DPP10: variants seen among roughly 807,000 people sequenced by gnomAD.
The protein encoded by DPP10 is dipeptidyl peptidase like 10.
In DPP10, 33 loss-of-function variants were observed where a neutral mutation model predicts 120.9. That is an observed-to-expected ratio of 0.27 (90% CI 0.21 to 0.37). The LOEUF is 0.37. Ranked by LOEUF, DPP10 falls within the 10% of genes least tolerant of loss-of-function variation. The pLI is 1.00. For synonymous variants in DPP10, 337 were observed against 326.1 expected, an observed-to-expected ratio of 1.03 and a Z score of -0.36; for missense variants, 816 against 942.8, an observed-to-expected ratio of 0.87 and a Z score of 1.76.
At chr2:115,084,620 A>C (rs902972117) in intron 1 of DPP10, among the ~76,000 whole-genome samples, 2 of 152,188 alleles carry the variant, frequency 1.3e-5, no homozygotes, top group Admixed American at 1.3e-4. Context: ...GCTAGCTCAG[A>C]TTTATCTTGG....
chr2:114,807,170 G>A (rs1333231811), intron 1 of DPP10, among the ~76,000 whole-genome samples: 1 of 151,916 alleles, frequency 6.6e-6, no homozygotes, highest in African/African-American at 2.4e-5. Context: ...TTATCAATGG[G>A]CTCAATAAAT....
intron 7 of DPP10, among the ~76,000 whole-genome samples, chr2:115,721,840 T>A (rs1349832444): frequency 1.3e-5 from 2 of 152,160 alleles, no homozygotes; most frequent in African/African-American, 4.8e-5. Flanking sequence ...ATAGCCAGGA[T>A]GTAGAAACAG....
intron 3 of DPP10, among the ~76,000 whole-genome samples, chr2:115,451,629 C>G (rs956820528): frequency 6.6e-6 from 1 of 151,804 alleles, no homozygotes; most frequent in Non-Finnish European, 1.5e-5. Flanking sequence ...AGACAGCTGC[C>G]TCTGTTGCTA....
chr2:115,634,305 A>T (rs1300340741), intron 5 of DPP10, among the ~76,000 whole-genome samples: 4 of 152,042 alleles, frequency 2.6e-5, no homozygotes, highest in Non-Finnish European at 4.4e-5. Flanking sequence ...AGTTTTCAAC[A>T]TTTTTTCATT....
At chr2:115,309,393 G>A (rs777477036) in intron 2 of DPP10, 40 bp downstream of exon 2, 1 of 1,584,718 alleles carries the variant, frequency 6.3e-7, no homozygotes, top group South Asian at 1.1e-5. Flanking sequence ...GGATGGTATT[G>A]TGGATGATAA....
chr2:115,580,298 C>T (rs2081938995), intron 5 of DPP10: 2 of 152,152 alleles, frequency 1.3e-5, no homozygotes, highest in South Asian at 4.1e-4. Flanking sequence ...CCACTTGTCA[C>T]AATCATTTTA....
At chr2:114,603,907 C>T (rs1283224764) in intron 1 of DPP10, among the ~76,000 whole-genome samples, 1 of 151,960 alleles carries the variant, frequency 6.6e-6, no homozygotes, top group Non-Finnish European at 1.5e-5. Flanking sequence ...ATCTTGTAGT[C>T]ATATATATAG....
chr2:114,694,722 A>T (rs527788204), intron 1 of DPP10, among the ~76,000 whole-genome samples: 1 of 152,142 alleles, frequency 6.6e-6, no homozygotes, highest in South Asian at 2.1e-4. Flanking sequence ...ATAAGTACCT[A>T]AGCTAATTGT....
At chr2:115,269,159 A>G (rs1003771830) in intron 1 of DPP10, among the ~76,000 whole-genome samples, 3 of 152,216 alleles carry the variant, frequency 2.0e-5, no homozygotes, top group African/African-American at 7.2e-5. Context: ...AGAAAAAAAG[A>G]AAAGAAACAG....
intron 3 of DPP10, among the ~76,000 whole-genome samples, chr2:115,435,663 T>C (rs1221035978): frequency 6.6e-6 from 1 of 151,958 alleles, no homozygotes; most frequent in Non-Finnish European, 1.5e-5. Context: ...CTTTACTTTG[T>C]TGATTTGTTT....
chr2:115,113,902 T>A (rs1468602823), intron 1 of DPP10, among the ~76,000 whole-genome samples: 1 of 152,174 alleles, frequency 6.6e-6, no homozygotes, highest in East Asian at 1.9e-4. Context: ...ACACATTGAG[T>A]CATTCTTGTC....
chr2:115,023,747 C>A (rs1264183587), intron 1 of DPP10, among the ~76,000 whole-genome samples: 2 of 152,082 alleles, frequency 1.3e-5, no homozygotes, highest in Admixed American at 6.6e-5. Flanking sequence ...ATTAGATCAG[C>A]CCAAATGCCC....
At chr2:115,341,580 C>A (rs1296882544) in intron 2 of DPP10, among the ~76,000 whole-genome samples, 1 of 152,160 alleles carries the variant, frequency 6.6e-6, no homozygotes, top group Admixed American at 6.5e-5. Flanking sequence ...CTTCACCACC[C>A]TACAAATTCT....
chr2:114,888,956 G>A (rs1692313116), intron 1 of DPP10, among the ~76,000 whole-genome samples: 4 of 152,162 alleles, frequency 2.6e-5, no homozygotes, highest in Admixed American at 1.3e-4. Context: ...TCAGAATGTG[G>A]CTGTATTTGA....
chr2:114,473,179 T>C (rs961712109), intron 1 of DPP10, among the ~76,000 whole-genome samples: 1 of 152,230 alleles, frequency 6.6e-6, no homozygotes, highest in African/African-American at 2.4e-5. Context: ...CCAATCTTCT[T>C]TCTTTTATCT....
chr2:114,859,347 A>G (rs1347327796), intron 1 of DPP10, among the ~76,000 whole-genome samples: 1 of 140,242 alleles, frequency 7.1e-6, no homozygotes, highest in Non-Finnish European at 1.5e-5. Flanking sequence ...CAGCCTGGGC[A>G]ACAAGAGTGA....
intron 3 of DPP10, among the ~76,000 whole-genome samples, chr2:115,421,542 G>T (rs1332707867): frequency 6.6e-6 from 1 of 151,956 alleles, no homozygotes; most frequent in East Asian, 1.9e-4. Flanking sequence ...TTCCATGAGG[G>T]ACTAAATGAA....
intron 1 of DPP10, among the ~76,000 whole-genome samples, chr2:114,955,402 G>A (rs1003210390): frequency 4.6e-5 from 7 of 152,196 alleles, no homozygotes; most frequent in South Asian, 4.1e-4. Flanking sequence ...TGCCTTAACC[G>A]TCCGATAATG....
intron 5 of DPP10, among the ~76,000 whole-genome samples, chr2:115,653,501 CT>C (rs1297623783): frequency 6.6e-6 from 1 of 151,956 alleles, no homozygotes; most frequent in Non-Finnish European, 1.5e-5. Flanking sequence ...TTCCTTTGTA[CT>C]TTATTTAATG....
Sources: allele counts gnomAD v4.1 joint callset (sites outside exome capture counted in the v4.1 genomes callset), GRCh38; gene constraint gnomAD v4.1.1; transcripts MANE v1.5; gene names NCBI Gene and HGNC (gene_info 2026-07-23, HGNC 2026-07-21).